CTBP1: variants seen among roughly 807,000 people sequenced by gnomAD.
The protein encoded by CTBP1 is C-terminal binding protein 1, also known as C-terminal-binding protein 1.
CTBP1 carries 11 observed loss-of-function variants against 42.1 expected under a neutral mutation model. The observed-to-expected ratio is 0.26, with a 90% CI of 0.16 to 0.43. The LOEUF is 0.43. Among genes scored for constraint, CTBP1 ranks in the 20% least tolerant of loss-of-function variants. The pLI is 1.00. For missense variants in CTBP1, 399 were observed against 624.3 expected (o/e 0.64, Z 3.85); for synonymous variants, 324 against 277.1 (o/e 1.17, Z -1.68).
chr4:1,249,791 G>C (rs1466509625), upstream of CTBP1: 3 of 251,130 alleles, frequency 1.2e-5, no homozygotes, highest in African/African-American at 7.1e-5. Flanking sequence ...CCCCTTCCCC[G>C]ACCCCATTTC....
At chr4:1,228,486 G>C (rs1208073837) in intron 3 of CTBP1, 143 bp from the exon 4 acceptor site, 17 of 1,053,288 alleles carry the variant, frequency 1.6e-5, no homozygotes, top group Non-Finnish European at 2.3e-5. Flanking sequence ...ACTGGGAGAG[G>C]CTACATGAAG....
At chr4:1,214,164 G>A (rs1274420830) in intron 7 of CTBP1, 179 bp downstream of exon 7, 3 of 776,324 alleles carry the variant, frequency 3.9e-6, no homozygotes, top group East Asian at 3.3e-5. Context: ...GGCAAGGCAG[G>A]CCTAGAGCCC....
At chr4:1,246,737 G>A (rs552583531) in intron 1 of CTBP1, among the ~76,000 whole-genome samples, 143 of 152,374 alleles carry the variant, frequency 9.4e-4, no homozygotes, top group African/African-American at 3.4e-3. Flanking sequence ...GGAACCAGGT[G>A]TGGCTTGACG....
rs929866489 is a variant in CTBP1, at chr4:1,236,865, G to A, written c.162+1318C>T. 61 of 644,156 alleles carry A rather than the reference G, an allele frequency of 9.5e-5. No homozygotes were observed. In the East Asian group the frequency reaches 1.6e-3, roughly 17 times the overall value. 39.9% of individuals were successfully genotyped at this position (644,156 alleles called of 1,614,324 possible). A position where few individuals can be genotyped will look rare whatever the true frequency, so the allele number is the denominator to read the frequency against. ...ACAAACCCGGTGTCCACCTCCTGAT[G>A]GGGCTCAGGGCAAACCGAATGTCCA... On this transcript the variant is annotated intron_variant, in intron 3 of 9. Transcript: ENST00000382952.
chr4:1,243,990 T>C (rs1292983084), intron 1 of CTBP1: 1 of 985,282 alleles, frequency 1.0e-6, no homozygotes, highest in Non-Finnish European at 1.2e-6. Context: ...CTTCCTATTT[T>C]CCTGTAAATC....
At chr4:1,243,362 G>A in intron 1 of CTBP1, 1 of 985,380 alleles carries the variant, frequency 1.0e-6, no homozygotes. Context: ...CAGGGCTCCT[G>A]GGGCCCTGCA....
intron 8 of CTBP1, 144 bp from the exon 9 acceptor site, chr4:1,213,174 CCTGT>C (rs1250408215): frequency 7.5e-6 from 6 of 796,484 alleles, no homozygotes; most frequent in Non-Finnish European, 1.2e-5. Context: ...ACGGCAGGGT[CCTGT>C]CTCTCTGGGC....
chr4:1,214,895 T>C (rs1229578007), intron 6 of CTBP1, among the ~76,000 whole-genome samples: 1 of 152,274 alleles, frequency 6.6e-6, no homozygotes, highest in Non-Finnish European at 1.5e-5. Context: ...GGCGTGGTCT[T>C]TGACTCCAAC....
At chr4:1,250,322 C>A (rs1383076059), upstream of CTBP1, 1 of 273,244 alleles carries the variant, frequency 3.7e-6, no homozygotes, top group African/African-American at 2.2e-5. Flanking sequence ...ATCGGGCTGC[C>A]GAGCTGTGGC....
intron 8 of CTBP1, 79 bp from the exon 9 acceptor site, chr4:1,213,109 G>A: frequency 5.8e-6 from 7 of 1,214,958 alleles, no homozygotes; most frequent in African/African-American, 3.0e-5. Context: ...GAAGACACGG[G>A]CAGCAGGATT....
chr4:1,248,371 G>A (rs1428841572), intron 1 of CTBP1, among the ~76,000 whole-genome samples: 1 of 151,558 alleles, frequency 6.6e-6, no homozygotes, highest in South Asian at 2.1e-4. Flanking sequence ...CCCGGCACCC[G>A]CGCCCCGTCC....
chr4:1,248,931 T>C lies in CTBP1; in HGVS notation c.-204A>G. Reference sequence around the variant, plus strand: ...GCGGCCTTACCAAGCGGCAGGCCCTTGTTGAGCAAGTGCGAGCTGCCCATC... The same window carrying C: ...GCGGCCTTACCAAGCGGCAGGCCCTCGTTGAGCAAGTGCGAGCTGCCCATC... On this transcript the variant is annotated 5_prime_UTR_variant, in exon 1 of 10. Transcript: ENST00000382952. The C allele has an allele frequency of 2.0e-6, 2 of 1,006,838 alleles. No homozygotes were observed. Among genetic ancestry groups the C allele is most frequent in the Non-Finnish European group, 1.2e-6 (1 of 839,540 alleles). 62.4% of individuals were successfully genotyped at this position (1,006,838 alleles called of 1,614,324 possible).
At position 1,238,209 on chromosome 4, in the gene CTBP1, G is replaced by A; in HGVS notation, c.136C>T (p.Gln46Ter). Residue 46 changes from glutamine to a stop codon, truncating the protein, a stop_gained, in exon 3 of 10, where the codon CAG (glutamine) becomes TAG (stop). Coordinates refer to ENST00000382952, the MANE Select transcript of CTBP1 (RefSeq NM_001012614.2). LOFTEE classifies it high-confidence loss of function. The surrounding 1 kb of genome is among the most constrained non-coding windows in gnomAD (Gnocchi z 5.9). ...DVATVAFCDA[Q>*]STQEIHEKVL... The stretch of plus-strand genomic sequence containing the variant: ...TTCTCATGGATCTCCTGCGTGGACT[G>A]CGCGTCGCAGAAGGCCACAGTGGCC... The A allele has an allele frequency of 6.2e-7, 1 of 1,612,948 alleles. No individual in the cohort carries two copies. The highest frequency in any genetic ancestry group is 8.5e-7 in the Non-Finnish European group (1 of 1,179,872).
In CTBP1 at chr4:1,242,372, C is replaced by T. The variant is rs531225580; in HGVS notation, c.-188-853G>A. On this transcript the variant is annotated intron_variant, in intron 1 of 9. Transcript: ENST00000382952. ...ACATCAGGCTGACCAGGACAGGAGC[C>T]GGCCACCACCAGCCCAGCAGCATGG... 3.0e-6 allele frequency: 3 copies of T among 985,394 alleles called. 1 individual carries two copies. Among genetic ancestry groups the T allele is most frequent in the South Asian group, 9.4e-5 (2 of 21,290 alleles). 61.0% of individuals were successfully genotyped at this position (985,394 alleles called of 1,614,324 possible).
intron 1 of CTBP1, 62 bp from the exon 2 acceptor site, chr4:1,241,581 A>G: frequency 6.7e-7 from 1 of 1,494,166 alleles, no homozygotes; most frequent in Non-Finnish European, 8.9e-7. Flanking sequence ...GAACTCACAG[A>G]CTCCAGGGAA....
intron 5 of CTBP1, 175 bp from the exon 6 acceptor site, chr4:1,216,380 G>A (rs777333136): frequency 1.5e-4 from 95 of 642,534 alleles, no homozygotes; most frequent in Non-Finnish European, 2.3e-4. Context: ...CTCCACGTCC[G>A]CTCCAACGCG....
chr4:1,248,778 G>A (rs1354768433), intron 1 of CTBP1, 138 bp downstream of exon 1: 20 of 958,458 alleles, frequency 2.1e-5, no homozygotes, highest in South Asian at 4.8e-5. Context: ...CGCGGACGCC[G>A]GCGCGCACGC....
chr4:1,249,326 C>G (rs1560295272), upstream of CTBP1: 3 of 150,300 alleles, frequency 2.0e-5, no homozygotes, highest in Admixed American at 2.0e-4. Flanking sequence ...GTGTTCCGCA[C>G]GTTCTAAACC....
At position 1,225,391 on chromosome 4, in the gene CTBP1, G is replaced by A. The variant is rs765831710; in HGVS notation, c.483C>T (p.Ile161=). ...CGATGATGCCCAAGGTCTCCCCGCG[G>A]ATCCTGGCAGCGCCGGACGCCACCT... ...IREVASGAAR[I]RGETLGIIGL... The change falls in exon 5 of 10, where the codon ATC becomes ATT. Residue 161 remains isoleucine, a synonymous_variant. Coordinates refer to ENST00000382952, the MANE Select transcript of CTBP1 (RefSeq NM_001012614.2). The A allele has an allele frequency of 3.8e-6, 6 of 1,567,014 alleles. No individual in the cohort carries two copies. The highest frequency in any genetic ancestry group is 5.2e-6 in the Non-Finnish European group (6 of 1,161,052).
Sources: gnomAD v4.1 joint callset for allele counts (sites outside exome capture counted in the v4.1 genomes callset) on GRCh38, gnomAD v4.1.1 for gene constraint, Gnocchi (gnomAD v3.1) non-coding constraint, MANE v1.5 for transcripts, NCBI Gene and HGNC (gene_info 2026-07-23, HGNC 2026-07-21) for gene names.